Variants in PALM2AKAP2 observed in about 807,000 individuals in gnomAD.
The protein encoded by PALM2AKAP2 is PALM2-AKAP2 fusion protein.
Under a neutral mutation model 71.5 loss-of-function variants are expected in PALM2AKAP2, and 37 were observed. The ratio of observed to expected loss-of-function variants is 0.52; its 90% CI spans 0.40 to 0.68. PALM2AKAP2 has a LOEUF of 0.68. Among genes scored for constraint, PALM2AKAP2 ranks in the 30% least tolerant of loss-of-function variants. The pLI is 0.00. For synonymous variants in PALM2AKAP2, 468 were observed against 478.8 expected, an observed-to-expected ratio of 0.98 and a Z score of 0.29; for missense variants, 1,224 against 1,191.8, an observed-to-expected ratio of 1.03 and a Z score of -0.40.
intron 7 of PALM2AKAP2, among the ~76,000 whole-genome samples, chr9:110,031,395 G>A (rs1833274538): frequency 6.6e-6 from 1 of 152,168 alleles, no homozygotes; most frequent in Non-Finnish European, 1.5e-5. Flanking sequence ...TTCCCAATGT[G>A]CTGGGATTAC....
chr9:109,698,360 C>T (rs949852468), intron 1 of PALM2AKAP2, among the ~76,000 whole-genome samples: 2 of 150,726 alleles, frequency 1.3e-5, no homozygotes, highest in Non-Finnish European at 2.9e-5. Flanking sequence ...TTGCAGCAAC[C>T]TCCGCCTCTC....
chr9:110,016,942 C>T (rs148401486), intron 7 of PALM2AKAP2, among the ~76,000 whole-genome samples: 3,465 of 152,102 alleles, frequency 0.023, 138 homozygotes, highest in African/African-American at 0.08. Context: ...TGCAGTGGTG[C>T]GATCTCGGCT....
intron 6 of PALM2AKAP2, among the ~76,000 whole-genome samples, chr9:109,941,156 T>C (rs1831354457): frequency 6.7e-6 from 1 of 149,258 alleles, no homozygotes; most frequent in South Asian, 2.1e-4. Flanking sequence ...TTTTTTTTTT[T>C]TTTTTTTTTT....
chr9:109,848,786 A>C (rs1460399162), intron 1 of PALM2AKAP2, among the ~76,000 whole-genome samples: 1 of 151,918 alleles, frequency 6.6e-6, no homozygotes, highest in Non-Finnish European at 1.5e-5. Context: ...TACAAAAAAA[A>C]AAAAAAAATT....
intron 6 of PALM2AKAP2, among the ~76,000 whole-genome samples, chr9:109,995,683 G>C (rs955755397): frequency 6.6e-6 from 1 of 152,166 alleles, no homozygotes; most frequent in Non-Finnish European, 1.5e-5. Flanking sequence ...AGGAAGACCC[G>C]TCTTCATGAC....
At chr9:110,055,255 G>A (rs564595903) in intron 1 of PALM2AKAP2, among the ~76,000 whole-genome samples, 69 of 151,978 alleles carry the variant, frequency 4.5e-4, no homozygotes, top group African/African-American at 1.6e-3. Context: ...GAGTGCAGTG[G>A]CGCAATCTCA....
chr9:109,980,101 C>G (rs1275608606), intron 6 of PALM2AKAP2, among the ~76,000 whole-genome samples: 1 of 152,142 alleles, frequency 6.6e-6, no homozygotes, highest in Non-Finnish European at 1.5e-5. Flanking sequence ...CTCACTGTGC[C>G]CTGTGCCCAT....
chr9:109,909,510 G>A (rs1830523134), intron 3 of PALM2AKAP2, among the ~76,000 whole-genome samples: 1 of 152,200 alleles, frequency 6.6e-6, no homozygotes, highest in African/African-American at 2.4e-5. Context: ...ATACAGGCCA[G>A]CTAGATGCTA....
chr9:109,936,597 T>C (rs1458861074), intron 6 of PALM2AKAP2, among the ~76,000 whole-genome samples: 7 of 152,218 alleles, frequency 4.6e-5, no homozygotes, highest in African/African-American at 1.4e-4. Context: ...CCTGGATGTT[T>C]CTGTTACTGA....
At chr9:109,797,179 C>T (rs535263101) in intron 1 of PALM2AKAP2, among the ~76,000 whole-genome samples, 1 of 152,162 alleles carries the variant, frequency 6.6e-6, no homozygotes, top group Non-Finnish European at 1.5e-5. Context: ...CTTTCCATCT[C>T]TCTCAGCTGG....
At chr9:110,110,816 G>A (rs1277384629) in intron 1 of PALM2AKAP2, among the ~76,000 whole-genome samples, 1 of 151,928 alleles carries the variant, frequency 6.6e-6, no homozygotes, top group East Asian at 1.9e-4. Context: ...CAAAGTGCTG[G>A]GATTACAGGC....
Position 110,135,164 on chromosome 9 carries a change from A to AAAAAAAAATATATATATATATAT in PALM2AKAP2, c.157-962_157-961insAAAAAAATATATATATATATATA. Among the ~76,000 whole-genome samples the AAAAAAAAATATATATATATATAT allele has an allele frequency of 2.9e-4, 15 of 51,722 alleles. 1 individual carries two copies. Among genetic ancestry groups the AAAAAAAAATATATATATATATAT allele is most frequent in the African/African-American group, 5.9e-4 (8 of 13,628 alleles). 33.9% of individuals were successfully genotyped at this position (51,722 alleles called of 152,430 possible). On this transcript the variant is annotated intron_variant, in intron 1 of 3. Coordinates refer to ENST00000374525, the Ensembl canonical transcript of PALM2AKAP2. ...AACTCTGTCTCTACAAAAAAAAAAA[A>AAAAAAAAATATATATATATATAT]ATATATAAATATATATATATATATA... is the stretch of plus-strand genomic sequence containing the variant.
At chr9:109,782,042 A>T (rs537422167) in intron 1 of PALM2AKAP2, among the ~76,000 whole-genome samples, 3 of 152,178 alleles carry the variant, frequency 2.0e-5, no homozygotes, top group Non-Finnish European at 4.4e-5. Context: ...AAGGCTTCCA[A>T]CAGTTGTCAC....
At chr9:109,942,786 A>T in intron 6 of PALM2AKAP2, 1 of 1,614,194 alleles carries the variant, frequency 6.2e-7, no homozygotes, top group Non-Finnish European at 8.5e-7. Context: ...TCCATCAGAA[A>T]GGAGTCAAAG....
intron 1 of PALM2AKAP2, among the ~76,000 whole-genome samples, chr9:110,091,161 G>A (rs1319107017): frequency 1.3e-5 from 2 of 152,092 alleles, no homozygotes; most frequent in Admixed American, 1.3e-4. Flanking sequence ...GAGTTGGTGA[G>A]GTAACTGCAA....
upstream of PALM2AKAP2, among the ~76,000 whole-genome samples, chr9:110,043,716 G>GTTTTTTT (rs61128628): frequency 2.7e-4 from 25 of 91,580 alleles, no homozygotes; most frequent in Admixed American, 6.0e-4. Flanking sequence ...TTTTTTTGGT[G>GTTTTTTT]TTTTTTTTTT....
intron 1 of PALM2AKAP2, among the ~76,000 whole-genome samples, chr9:110,068,087 CTTTTTTT>C (rs5899875): frequency 8.1e-6 from 1 of 122,938 alleles, no homozygotes. Flanking sequence ...GTTCCAAACT[CTTTTTTT>C]TTTTTTTTTT....
At chr9:110,040,275 C>T (rs776186732) in intron 7 of PALM2AKAP2, among the ~76,000 whole-genome samples, 10 of 152,092 alleles carry the variant, frequency 6.6e-5, no homozygotes, top group Non-Finnish European at 1.5e-4. Context: ...GATCTTAACA[C>T]CTTATAATCG....
intron 1 of PALM2AKAP2, among the ~76,000 whole-genome samples, chr9:109,829,434 C>T (rs766496512): frequency 6.6e-6 from 1 of 152,122 alleles, no homozygotes; most frequent in African/African-American, 2.4e-5. Flanking sequence ...TTCCCCAGCA[C>T]CCTGGAGCAA....
Sources: allele counts gnomAD v4.1 joint callset (sites outside exome capture counted in the v4.1 genomes callset), GRCh38; gene constraint gnomAD v4.1.1; transcripts MANE v1.5; gene names NCBI Gene and HGNC (gene_info 2026-07-23, HGNC 2026-07-21).